The following CNTLN variants were observed in gnomAD, a reference collection of about 807,000 sequenced individuals.
CNTLN encodes centlein, centrosomal protein.
Under a neutral mutation model 180.0 loss-of-function variants are expected in CNTLN, and 212 were observed. The observed-to-expected ratio is 1.18, with a 90% CI of 1.05 to 1.32. CNTLN has a LOEUF of 1.32. Among genes scored for constraint, CNTLN ranks in the 40% most tolerant of loss-of-function variants. The pLI is 0.00. For missense variants in CNTLN, 2,095 were observed against 1,610.9 expected (o/e 1.30, Z -5.14); for synonymous variants, 722 against 563.1 (o/e 1.28, Z -3.99).
At chr9:17,372,073 C>T (rs1010249321) in intron 13 of CNTLN, among the ~76,000 whole-genome samples, 5 of 151,770 alleles carry the variant, frequency 3.3e-5, no homozygotes, top group Non-Finnish European at 4.4e-5. Context: ...TAGAGCTAAT[C>T]AAACCCAAAA....
downstream of CNTLN, among the ~76,000 whole-genome samples, chr9:17,508,699 G>A (rs1407547215): frequency 2.6e-5 from 4 of 152,292 alleles, no homozygotes; most frequent in Non-Finnish European, 4.4e-5. Context: ...CTTTCAGAGA[G>A]CATAATGTCC....
chr9:17,458,868 C>A (rs1260646413), intron 19 of CNTLN, among the ~76,000 whole-genome samples: 7 of 151,626 alleles, frequency 4.6e-5, no homozygotes, highest in African/African-American at 1.7e-4. Context: ...AAGTGTTGTG[C>A]AATTTCGGGG....
chr9:17,208,461 G>A (rs1432108929), intron 2 of CNTLN, among the ~76,000 whole-genome samples: 1 of 152,126 alleles, frequency 6.6e-6, no homozygotes, highest in Non-Finnish European at 1.5e-5. Context: ...TCTGGTTTTG[G>A]TATCAGGGTA....
At chr9:17,296,164 A>AG (rs1401869234) in intron 6 of CNTLN, among the ~76,000 whole-genome samples, 2 of 151,800 alleles carry the variant, frequency 1.3e-5, no homozygotes, top group African/African-American at 4.8e-5. Flanking sequence ...TACCATGCCC[A>AG]GCCAATTTTT....
chr9:17,283,538 G>C (rs1396227697), intron 6 of CNTLN, among the ~76,000 whole-genome samples: 1 of 152,164 alleles, frequency 6.6e-6, no homozygotes, highest in Admixed American at 6.5e-5. Context: ...CATGTCATCT[G>C]CAAACAGAGA....
chr9:17,382,380 C>A (rs529067856), intron 13 of CNTLN, among the ~76,000 whole-genome samples: 2 of 152,112 alleles, frequency 1.3e-5, no homozygotes, highest in Non-Finnish European at 2.9e-5. Flanking sequence ...AACAATCAAG[C>A]CTTCGGAAAT....
At chr9:17,352,273 A>G (rs951688834) in intron 12 of CNTLN, among the ~76,000 whole-genome samples, 1 of 151,760 alleles carries the variant, frequency 6.6e-6, no homozygotes. Flanking sequence ...TTTAAAGAAT[A>G]TCCTATAAAA....
intron 23 of CNTLN, among the ~76,000 whole-genome samples, chr9:17,480,913 C>T (rs1832608830): frequency 6.6e-6 from 1 of 152,162 alleles, no homozygotes; most frequent in Admixed American, 6.5e-5. Flanking sequence ...AGGAGAAGTA[C>T]ATAGGAATCT....
rs985158498 is a variant in CNTLN at position 17,153,973 on chromosome 9, A to C, written c.449+10597A>C. ...CTATTGATACTTGTGTAGTCTTCGC[A>C]AAGTTCTCATGCTGTGTTTTTCAGC... On this transcript the variant is annotated intron_variant, in intron 2 of 25. Transcript: ENST00000380647. Among the ~76,000 whole-genome samples, 3 of 152,176 alleles carry C rather than the reference A, an allele frequency of 2.0e-5. No individual in the cohort carries two copies. The South Asian group carries it at 6.2e-4, about 32-fold the overall frequency.
intron 1 of CNTLN, among the ~76,000 whole-genome samples, chr9:17,137,402 G>A (rs1442443975): frequency 6.6e-6 from 1 of 152,018 alleles, no homozygotes; most frequent in Non-Finnish European, 1.5e-5. Context: ...ATCTTTTAAA[G>A]TATACTCTCC....
chr9:17,310,651 T>C (rs887448583), intron 8 of CNTLN, among the ~76,000 whole-genome samples: 16 of 152,168 alleles, frequency 1.1e-4, no homozygotes, highest in African/African-American at 3.4e-4. Context: ...TGATCACCTG[T>C]TTTTCAAAGT....
chr9:17,450,266 A>G (rs1160205238), intron 18 of CNTLN, among the ~76,000 whole-genome samples: 3 of 152,182 alleles, frequency 2.0e-5, no homozygotes, highest in African/African-American at 7.2e-5. Context: ...TAATGTGCAC[A>G]CTGGAGCTGG....
intron 18 of CNTLN, among the ~76,000 whole-genome samples, chr9:17,441,438 G>T (rs184179356): frequency 6.6e-6 from 1 of 151,630 alleles, no homozygotes; most frequent in Non-Finnish European, 1.5e-5. Context: ...AGAAGTAAAC[G>T]TATGAATATT....
At chr9:17,256,050 T>A (rs932076410) in intron 5 of CNTLN, among the ~76,000 whole-genome samples, 1 of 151,976 alleles carries the variant, frequency 6.6e-6, no homozygotes, top group Non-Finnish European at 1.5e-5. Context: ...TTGCTGAGGA[T>A]AATGGCTTCC....
intron 18 of CNTLN, among the ~76,000 whole-genome samples, chr9:17,442,472 C>A (rs1038661146): frequency 6.6e-6 from 1 of 152,164 alleles, no homozygotes; most frequent in African/African-American, 2.4e-5. Context: ...GATCTCAGCT[C>A]ACTGCACCCT....
chr9:17,412,863 A>G (rs1487310430), intron 16 of CNTLN, among the ~76,000 whole-genome samples: 1 of 152,236 alleles, frequency 6.6e-6, no homozygotes, highest in African/African-American at 2.4e-5. Flanking sequence ...GGACAGGCCT[A>G]AAACAAAACA....
At chr9:17,383,798 C>A (rs1461935157) in intron 13 of CNTLN, among the ~76,000 whole-genome samples, 1 of 151,722 alleles carries the variant, frequency 6.6e-6, no homozygotes, top group Non-Finnish European at 1.5e-5. Flanking sequence ...CCACCATGCC[C>A]GACTAATTTT....
intron 7 of CNTLN, among the ~76,000 whole-genome samples, chr9:17,302,662 G>T (rs1183031264): frequency 4.6e-5 from 7 of 152,088 alleles, no homozygotes; most frequent in Admixed American, 4.6e-4. Context: ...TCCCACTTTG[G>T]ATAATGCAAT....
At chr9:17,346,886 A>C (rs1821942576) in intron 12 of CNTLN, among the ~76,000 whole-genome samples, 2 of 152,136 alleles carry the variant, frequency 1.3e-5, no homozygotes, top group South Asian at 4.1e-4. Context: ...CAGGTCACTG[A>C]GGGTCTCTTC....
Sources: allele counts gnomAD v4.1 joint callset (sites outside exome capture counted in the v4.1 genomes callset), GRCh38; gene constraint gnomAD v4.1.1; transcripts MANE v1.5; gene names NCBI Gene and HGNC (gene_info 2026-07-23, HGNC 2026-07-21).